Variants in TMEM178B observed in about 807,000 individuals in gnomAD.
TMEM178B encodes transmembrane protein 178B.
In TMEM178B, 5 loss-of-function variants were observed where a neutral mutation model predicts 31.0. The observed-to-expected ratio is 0.16, with a 90% confidence interval of 0.08 to 0.34. The LOEUF is 0.34. Among genes scored for constraint, TMEM178B ranks in the 10% least tolerant of loss-of-function variants. TMEM178B has a pLI of 1.00. For synonymous variants in TMEM178B, 164 were observed against 164.0 expected (o/e 1.00, Z 0.00); for missense variants, 275 against 400.3 (o/e 0.69, Z 2.67).
intron 2 of TMEM178B, among the ~76,000 whole-genome samples, chr7:141,411,947 G>A (rs1421920156): frequency 6.6e-6 from 1 of 152,168 alleles, no homozygotes; most frequent in Non-Finnish European, 1.5e-5. Flanking sequence ...AATGAAGGGT[G>A]CAGGGAAACC....
chr7:141,336,571 T>A (rs1456125320), intron 2 of TMEM178B, among the ~76,000 whole-genome samples: 1 of 152,034 alleles, frequency 6.6e-6, no homozygotes, highest in Non-Finnish European at 1.5e-5. Context: ...GTTGTAAAGT[T>A]CCTAACACAA....
At chr7:141,376,941 T>C (rs535569548) in intron 2 of TMEM178B, among the ~76,000 whole-genome samples, 8 of 152,194 alleles carry the variant, frequency 5.3e-5, no homozygotes, top group African/African-American at 1.2e-4. Flanking sequence ...GAAGAAATCA[T>C]TGACTGGAAA....
chr7:141,295,059 C>T (rs1053297242), intron 2 of TMEM178B, among the ~76,000 whole-genome samples: 5 of 152,162 alleles, frequency 3.3e-5, no homozygotes, highest in African/African-American at 4.8e-5. Flanking sequence ...TGGGATGATA[C>T]GATGAGAAGT....
At chr7:141,393,489 G>A (rs546050434) in intron 2 of TMEM178B, among the ~76,000 whole-genome samples, 1 of 152,298 alleles carries the variant, frequency 6.6e-6, no homozygotes, top group East Asian at 1.9e-4. Flanking sequence ...GAAAGAAGGA[G>A]GCATGGCATG....
At chr7:141,238,855 T>G (rs1468454590) in intron 2 of TMEM178B, among the ~76,000 whole-genome samples, 1 of 152,234 alleles carries the variant, frequency 6.6e-6, no homozygotes, top group Non-Finnish European at 1.5e-5. Context: ...ATGAAATTAA[T>G]TAGCCCCCTT....
chr7:141,185,175 G>A (rs776445293), intron 1 of TMEM178B, among the ~76,000 whole-genome samples: 2 of 152,192 alleles, frequency 1.3e-5, no homozygotes, highest in Non-Finnish European at 2.9e-5. Context: ...AAGCCCCAGT[G>A]GGCGTGTGTT....
intron 1 of TMEM178B, among the ~76,000 whole-genome samples, chr7:141,208,847 T>G (rs1352536713): frequency 6.6e-6 from 1 of 152,230 alleles, no homozygotes; most frequent in Non-Finnish European, 1.5e-5. Flanking sequence ...ATCAGGTACT[T>G]TCCTCACACA....
At chr7:141,274,164 T>G (rs1798230321) in intron 2 of TMEM178B, among the ~76,000 whole-genome samples, 1 of 152,236 alleles carries the variant, frequency 6.6e-6, no homozygotes, top group African/African-American at 2.4e-5. Flanking sequence ...CGCCTTACTT[T>G]TTCTTCCTTG....
chr7:141,225,005 G>A (rs1797317975), intron 2 of TMEM178B, among the ~76,000 whole-genome samples: 1 of 152,236 alleles, frequency 6.6e-6, no homozygotes. Flanking sequence ...GAACCTGGCA[G>A]CAAGTCTTTC....
intron 2 of TMEM178B, among the ~76,000 whole-genome samples, chr7:141,316,340 C>T (rs1438756698): frequency 3.3e-5 from 5 of 152,142 alleles, no homozygotes; most frequent in Admixed American, 2.6e-4. Context: ...AGCAGCATTC[C>T]GTTGTATTAA....
chr7:141,210,894 G>A (rs1374248797), intron 1 of TMEM178B, among the ~76,000 whole-genome samples: 2 of 152,176 alleles, frequency 1.3e-5, no homozygotes, highest in African/African-American at 4.8e-5. Flanking sequence ...AAGCAGACCT[G>A]CAGAATTTGG....
chr7:141,137,301 G>A (rs960745119), intron 1 of TMEM178B, among the ~76,000 whole-genome samples: 3 of 152,164 alleles, frequency 2.0e-5, no homozygotes, highest in African/African-American at 2.4e-5. Context: ...GCCAAGATAC[G>A]GAATCAACTG....
chr7:141,289,270 C>A (rs1415516674), intron 2 of TMEM178B, among the ~76,000 whole-genome samples: 1 of 152,260 alleles, frequency 6.6e-6, no homozygotes, highest in Middle Eastern at 3.4e-3. Flanking sequence ...ATCCTAGAAG[C>A]TAAATAGCCT....
the TMEM178B span, among the ~76,000 whole-genome samples, chr7:141,506,012 G>A: frequency 6.6e-6 from 1 of 152,194 alleles, no homozygotes; most frequent in Admixed American, 6.5e-5. Flanking sequence ...TATGGGCCAG[G>A]TCCCTTTGCA....
chr7:141,298,416 T>C (rs1209283383), intron 2 of TMEM178B, among the ~76,000 whole-genome samples: 1 of 152,230 alleles, frequency 6.6e-6, no homozygotes, highest in African/African-American at 2.4e-5. Context: ...TCCTGTCCTA[T>C]TCCCTCTTGC....
intron 2 of TMEM178B, among the ~76,000 whole-genome samples, chr7:141,353,716 T>C (rs1799773276): frequency 6.6e-6 from 1 of 152,258 alleles, no homozygotes; most frequent in East Asian, 1.9e-4. Context: ...TCTGTTTTGT[T>C]CAATCTCTGT....
intron 1 of TMEM178B, among the ~76,000 whole-genome samples, chr7:141,083,302 C>T (rs1404802386): frequency 6.6e-6 from 1 of 152,128 alleles, no homozygotes; most frequent in Non-Finnish European, 1.5e-5. Flanking sequence ...TTTTATATGA[C>T]TTATTTTCTC....
chr7:141,122,641 T>G (rs185574150), intron 1 of TMEM178B, among the ~76,000 whole-genome samples: 1 of 152,362 alleles, frequency 6.6e-6, no homozygotes, highest in East Asian at 1.9e-4. Flanking sequence ...GGCCTAACTT[T>G]AAATATGATT....
chr7:141,125,431 C>T (rs1048069721), intron 1 of TMEM178B, among the ~76,000 whole-genome samples: 1 of 151,962 alleles, frequency 6.6e-6, no homozygotes, highest in African/African-American at 2.4e-5. Context: ...ACCTGTAATC[C>T]CAGCACTTTG....
Sources: gnomAD v4.1 joint callset for allele counts (sites outside exome capture counted in the v4.1 genomes callset) on GRCh38, gnomAD v4.1.1 for gene constraint, MANE v1.5 for transcripts, NCBI Gene and HGNC (gene_info 2026-07-23, HGNC 2026-07-21) for gene names.